CFAP61: variants seen among roughly 807,000 people sequenced by gnomAD.
CFAP61 encodes cilia and flagella associated protein 61.
A neutral mutation model predicts 135.6 loss-of-function variants in CFAP61; 107 were observed. The ratio of observed to expected loss-of-function variants is 0.79; its 90% confidence interval spans 0.67 to 0.93. The LOEUF (loss-of-function observed/expected upper bound fraction) is 0.93. CFAP61 is among the 40% of genes least tolerant of loss of function. The pLI is 0.00. For missense variants in CFAP61, 1,507 were observed against 1,556.2 expected (o/e 0.97, Z 0.53); for synonymous variants, 575 against 578.5 (o/e 0.99, Z 0.09).
intron 17 of CFAP61, among the ~76,000 whole-genome samples, chr20:20,215,655 T>A (rs1272971984): frequency 2.0e-5 from 3 of 152,316 alleles, no homozygotes; most frequent in East Asian, 3.9e-4. Context: ...TAATACCACG[T>A]GACTCCTAAA....
intron 13 of CFAP61, among the ~76,000 whole-genome samples, chr20:20,182,293 A>G (rs983196436): frequency 3.3e-5 from 5 of 152,212 alleles, no homozygotes; most frequent in Admixed American, 1.3e-4. Context: ...GATTTTAATT[A>G]GTGTTTTTTG....
In CFAP61 at chr20:20,333,753, G is replaced by A. The variant is rs73289292; in HGVS notation, c.3423-8078G>A. ...CAACATTCTGAAAACTAAGACTCTG[G>A]TTGCAAGGGTGGCAGGGAATTTCTG... On this transcript the variant is annotated intron_variant, in intron 25 of 26. Coordinates refer to ENST00000245957, the MANE Select transcript of CFAP61 (RefSeq NM_015585.4). Among the ~76,000 whole-genome samples the A allele has an allele frequency of 4.7e-3, 716 of 152,360 alleles. 7 individuals carry two copies. Among genetic ancestry groups the A allele is most frequent in the African/African-American group, 0.016 (670 of 41,584 alleles).
chr20:20,355,016 A>G (rs1303786473), intron 26 of CFAP61, among the ~76,000 whole-genome samples: 1 of 104,296 alleles, frequency 9.6e-6, no homozygotes, highest in African/African-American at 3.7e-5. Flanking sequence ...TCACACTGCA[A>G]GAGGGGAGGT....
At chr20:20,067,439 C>G (rs1481182457) in intron 2 of CFAP61, among the ~76,000 whole-genome samples, 1 of 151,388 alleles carries the variant, frequency 6.6e-6, no homozygotes, top group Admixed American at 6.6e-5. Context: ...TAAAAGAGAT[C>G]GAGACCATCC....
intron 6 of CFAP61, among the ~76,000 whole-genome samples, chr20:20,075,993 G>C (rs942737039): frequency 1.3e-5 from 2 of 152,196 alleles, no homozygotes; most frequent in African/African-American, 4.8e-5. Context: ...TGAGGATGCT[G>C]TTGACCCCAA....
intron 9 of CFAP61, among the ~76,000 whole-genome samples, chr20:20,151,035 C>A (rs1190618545): frequency 6.6e-6 from 1 of 152,038 alleles, no homozygotes; most frequent in African/African-American, 2.4e-5. Flanking sequence ...AGCTCCCCAG[C>A]AATGGATCCA....
chr20:20,054,253 G>T (rs1238721068), intron 1 of CFAP61, among the ~76,000 whole-genome samples: 1 of 151,682 alleles, frequency 6.6e-6, no homozygotes, highest in East Asian at 1.9e-4. Context: ...ATTTTAAAGT[G>T]ATTGTTTAGG....
intron 22 of CFAP61, among the ~76,000 whole-genome samples, chr20:20,280,076 T>G (rs971944002): frequency 3.9e-5 from 6 of 152,146 alleles, no homozygotes; most frequent in African/African-American, 1.4e-4. Flanking sequence ...CCAGTACCAG[T>G]GAACATGACC....
At chr20:20,255,974 G>A (rs2051518475) in intron 20 of CFAP61, among the ~76,000 whole-genome samples, 2 of 152,300 alleles carry the variant, frequency 1.3e-5, no homozygotes, top group South Asian at 4.1e-4. Flanking sequence ...GAGTCCTGAG[G>A]TGCCACGTGA....
chr20:20,269,146 T>TATACACAC (rs1419572825), intron 21 of CFAP61, among the ~76,000 whole-genome samples: 1 of 85,598 alleles, frequency 1.2e-5, no homozygotes, highest in African/African-American at 4.0e-5. Flanking sequence ...TATATATATA[T>TATACACAC]ACACACACAC....
intron 25 of CFAP61, among the ~76,000 whole-genome samples, chr20:20,307,070 G>T (rs533698650): frequency 6.6e-6 from 1 of 152,050 alleles, no homozygotes. Flanking sequence ...CATAGCCCCC[G>T]CCCTTGTCTT....
chr20:20,164,127 C>T lies in CFAP61; in HGVS notation c.1104C>T (p.Leu368=), dbSNP rs777132694. The change falls in exon 11 of 27, where the codon CTC becomes CTT. Residue 368 remains leucine, a synonymous_variant. Coordinates refer to ENST00000245957, the MANE Select transcript of CFAP61 (RefSeq NM_015585.4). ...TCAGCAGTAGGAGCTTGGCATCGCT[C>T]GTACTGCCTGAAGAGCCCGTCCACT... ...HHVSSRSLAS[L]VLPEEPVHFR... 9 of 1,614,046 alleles carry T rather than the reference C, an allele frequency of 5.6e-6. No homozygotes were observed. Among genetic ancestry groups the T allele is most frequent in the South Asian group, 3.3e-5 (3 of 91,066 alleles).
intron 6 of CFAP61, chr20:20,085,405 A>G (rs948265586): frequency 5.2e-5 from 71 of 1,358,530 alleles, no homozygotes; most frequent in Admixed American, 3.9e-4. Flanking sequence ...TAAATTATCA[A>G]TTACCCCAAG....
intron 25 of CFAP61, among the ~76,000 whole-genome samples, chr20:20,320,434 TA>T (rs1231109571): frequency 5.9e-5 from 6 of 101,756 alleles, no homozygotes; most frequent in African/African-American, 3.6e-4. Context: ...ATATGTAATA[TA>T]ATATATGTAA....
At position 20,216,708 on chromosome 20, in the gene CFAP61, G is replaced by GAAA. The variant is rs1268603612; in HGVS notation, c.1933-11539_1933-11538insAAA. Among the ~76,000 whole-genome samples the GAAA allele has an allele frequency of 2.6e-5, 4 of 152,100 alleles. No homozygotes were observed. The South Asian group carries it at 8.3e-4, about 31-fold the overall frequency. On this transcript the variant is annotated intron_variant, in intron 17 of 26. Transcript: ENST00000245957. ...TGGAAAAGTTTCCATTGAGAGCATG[G>GAAA]AATTAACATTTTTTTAAACTGCTGT...
chr20:20,104,258 T>G (rs1353748187), intron 8 of CFAP61, among the ~76,000 whole-genome samples: 1 of 152,236 alleles, frequency 6.6e-6, no homozygotes. Context: ...AACTTTTTTT[T>G]TTTAAATTAC....
At chr20:20,093,222 G>A (rs1249434786) in intron 7 of CFAP61, among the ~76,000 whole-genome samples, 4 of 152,144 alleles carry the variant, frequency 2.6e-5, no homozygotes, top group Admixed American at 1.3e-4. Flanking sequence ...TAAAGACCAC[G>A]TATTGTATGA....
chr20:20,101,237 A>G (rs2047996566), intron 8 of CFAP61, among the ~76,000 whole-genome samples: 1 of 152,272 alleles, frequency 6.6e-6, no homozygotes, highest in African/African-American at 2.4e-5. Context: ...GTTAAAGGAA[A>G]TATAATTTCT....
intron 25 of CFAP61, among the ~76,000 whole-genome samples, chr20:20,324,673 T>C (rs527612332): frequency 6.6e-6 from 1 of 152,322 alleles, no homozygotes; most frequent in Admixed American, 6.5e-5. Flanking sequence ...TCAAAAAAGG[T>C]TATTCCCACT....
Sources: allele counts gnomAD v4.1 joint callset (sites outside exome capture counted in the v4.1 genomes callset), GRCh38; gene constraint gnomAD v4.1.1; transcripts MANE v1.5; gene names NCBI Gene and HGNC (gene_info 2026-07-23, HGNC 2026-07-21).